ATXN2L: variants seen among roughly 807,000 people sequenced by gnomAD.
ATXN2L encodes ataxin-2-like protein.
ATXN2L carries 24 observed loss-of-function variants against 120.7 expected under a neutral mutation model. That is an observed-to-expected ratio of 0.20 (90% CI 0.14 to 0.28). The LOEUF (loss-of-function observed/expected upper bound fraction) is 0.28, where lower values mean the gene tolerates loss of function less well. ATXN2L is among the 10% of genes least tolerant of loss of function. ATXN2L has a pLI of 1.00. For synonymous variants in ATXN2L, 653 were observed against 568.1 expected, an observed-to-expected ratio of 1.15 and a Z score of -2.13; for missense variants, 1,312 against 1,432.3, an observed-to-expected ratio of 0.92 and a Z score of 1.36.
chr16:28,832,812 C>T lies in ATXN2L; in HGVS notation c.1589-5C>T, dbSNP rs774636898. On this transcript the variant is annotated splice_polypyrimidine_tract_variant and splice_region_variant and intron_variant, in intron 12 of 21. Transcript: ENST00000336783. ...ATTTTCTTCTTTTTGACTGTTTTCT[C>T]ATAGTCCCTGGTCTTCAGAATGAAC... The T allele has an allele frequency of 5.0e-5, 81 of 1,613,808 alleles. No individual in the cohort carries two copies. Among genetic ancestry groups the T allele is most frequent in the Non-Finnish European group, 2.0e-5 (24 of 1,179,868 alleles).
In ATXN2L at chr16:28,823,499, G is replaced by A; in HGVS notation, c.240G>A (p.Gln80=). The stretch of plus-strand genomic sequence containing the variant: ...GAGCCGAAGGCATCTTGGCGCCGCA[G>A]CCGCCGCCGCCGCAGCAACACCAGG... ...RRGAEGILAP[Q]PPPPQQHQER... The change falls in exon 1 of 22, where the codon CAG becomes CAA. Residue 80 remains glutamine (Q), a synonymous_variant. Coordinates refer to ENST00000336783, the MANE Select transcript of ATXN2L (RefSeq NM_007245.4). The A allele has an allele frequency of 7.3e-7, 1 of 1,362,300 alleles. No homozygotes were observed. The highest frequency in any genetic ancestry group is 1.7e-5 in the South Asian group (1 of 58,118). 84.4% of individuals were successfully genotyped at this position (1,362,300 alleles called of 1,614,324 possible). A position where few individuals can be genotyped will look rare whatever the true frequency, so the allele number is the denominator to read the frequency against.
At chr16:28,827,636 C>T (rs1302659495) in intron 6 of ATXN2L, among the ~76,000 whole-genome samples, 1 of 152,142 alleles carries the variant, frequency 6.6e-6, no homozygotes, top group Non-Finnish European at 1.5e-5. Context: ...ACTTGGGAGG[C>T]CAAGGCAGGA....
chr16:28,825,588 T>G (rs746099180), intron 2 of ATXN2L, 36 bp from the exon 3 acceptor site: 1 of 1,602,694 alleles, frequency 6.2e-7, no homozygotes, highest in African/African-American at 1.3e-5. Flanking sequence ...GTTGACTGAT[T>G]ACTCCTTTAA....
chr16:28,824,524 G>C, intron 1 of ATXN2L: 2 of 1,288,032 alleles, frequency 1.6e-6, no homozygotes, highest in Non-Finnish European at 2.0e-6. Flanking sequence ...GTTACCTGGC[G>C]ATTGGTGATC....
chr16:28,832,605 C>T lies in ATXN2L; in HGVS notation c.1588+38C>T. ...TTTTTTCTGCTGAGGATTAATGCTCCTTTGTCTGGGGGAGAGTATTTCAGT... is the reference window on the plus strand; with the variant it reads ...TTTTTTCTGCTGAGGATTAATGCTCTTTTGTCTGGGGGAGAGTATTTCAGT... On this transcript the variant is annotated intron_variant, in intron 12 of 21. Transcript: ENST00000336783. The T allele has an allele frequency of 1.9e-6, 3 of 1,595,034 alleles. No homozygotes were observed. The South Asian group carries it at 3.3e-5, about 18-fold the overall frequency.
rs1009586614 is a variant in ATXN2L, at chr16:28,826,445, G to A, written c.616+55G>A. ...GCTCTGTGTGCATAGAGGACAGAGG[G>A]TAGTTTGTGTGCAGGTGGAACATGG... On this transcript the variant is annotated intron_variant, in intron 5 of 21. Transcript: ENST00000336783. The A allele has an allele frequency of 9.6e-6, 15 of 1,564,804 alleles. No homozygotes were observed. In the East Asian group the frequency reaches 1.4e-4, roughly 14 times the overall value.
intron 7 of ATXN2L, 41 bp downstream of exon 7, chr16:28,829,533 T>C (rs372038270): frequency 2.1e-5 from 29 of 1,403,924 alleles, no homozygotes; most frequent in Middle Eastern, 1.8e-4. Context: ...GTTGGTGATA[T>C]GGGGTCACTA....
chr16:28,830,820 G>A, intron 9 of ATXN2L, 30 bp downstream of exon 9: 1 of 1,568,140 alleles, frequency 6.4e-7, no homozygotes, highest in South Asian at 1.2e-5. Flanking sequence ...TGAGGAAGAG[G>A]GCAGGGAAGG....
At chr16:28,834,799 T>G (rs1596571194) in intron 18 of ATXN2L, 106 bp downstream of exon 18, 1 of 1,358,846 alleles carries the variant, frequency 7.4e-7, no homozygotes, top group Non-Finnish European at 9.9e-7. Context: ...GTGTTGTAGG[T>G]GGGATCGGCC....
At chr16:28,823,640 G>A (rs1004326428) in intron 1 of ATXN2L, 82 bp downstream of exon 1, 7 of 1,214,330 alleles carry the variant, frequency 5.8e-6, no homozygotes, top group African/African-American at 3.2e-5. Flanking sequence ...ACCCCGACCC[G>A]GCACCGTCAG....
At position 28,835,847 on chromosome 16, in the gene ATXN2L, C is replaced by T. The variant is rs1302871753; in HGVS notation, c.2896-86C>T. On this transcript the variant is annotated intron_variant, in intron 21 of 21. Transcript: ENST00000336783. ...CCCATTGCCAAGTCCCTGGTGCCAC[C>T]CTTGCCATAGTGCTCCCTAACTCTG... is the stretch of plus-strand genomic sequence containing the variant. 5.0e-6 allele frequency: 8 copies of T among 1,590,116 alleles called. No homozygotes were observed. In the East Asian group the frequency reaches 1.8e-4, roughly 36 times the overall value.
At chr16:28,830,580 G>A (rs1461520670) in intron 8 of ATXN2L, 35 bp from the exon 9 acceptor site, 12 of 1,521,584 alleles carry the variant, frequency 7.9e-6, no homozygotes, top group Non-Finnish European at 1.1e-5. Flanking sequence ...CGTGGGTTTT[G>A]TGGCTACCTG....
rs1194072963 is a variant in ATXN2L, at chr16:28,829,442, G to A, written c.783G>A (p.Glu261=). The A allele has an allele frequency of 6.2e-7, 1 of 1,613,372 alleles. No homozygotes were observed. Among genetic ancestry groups the A allele is most frequent in the Admixed American group, 1.7e-5 (1 of 59,992 alleles). ...WDPNEMFKFN[E]ENYGVKTTYD... ...CCAATGAAATGTTCAAGTTCAATGA[G>A]GAGAACTACGGTGTGAAGACTACCT... is the stretch of plus-strand genomic sequence containing the variant. Residue 261 remains glutamate, a synonymous_variant, in exon 7 of 22, where the codon GAG becomes GAA. Coordinates refer to ENST00000336783, the MANE Select transcript of ATXN2L (RefSeq NM_007245.4).
chr16:28,833,323 G>A lies in ATXN2L; in HGVS notation c.1924G>A (p.Gly642Arg). ...CAGCCCCCCGGTGGGCCTCATCAAGGGAGAAGACAAAGATGAGGGCCCTGT... is the reference window on the plus strand; with the variant it reads ...CAGCCCCCCGGTGGGCCTCATCAAGAGAGAAGACAAAGATGAGGGCCCTGT... ...TGSPPVGLIK[G>R]EDKDEGPVAE... The change falls in exon 14 of 22, where the codon GGA (glycine) becomes AGA (arginine). Residue 642 changes from glycine to arginine, a missense_variant. Physicochemically the swap from Gly to Arg is moderately radical, Grantham distance 125 (BLOSUM62 -2). Coordinates refer to ENST00000336783, the MANE Select transcript of ATXN2L (RefSeq NM_007245.4). 1 of 1,613,756 alleles carries A rather than the reference G, an allele frequency of 6.2e-7. No individual in the cohort carries two copies. The highest frequency in any genetic ancestry group is 8.5e-7 in the Non-Finnish European group (1 of 1,179,724).
intron 15 of ATXN2L, 83 bp downstream of exon 15, chr16:28,833,591 C>T (rs1479123029): frequency 1.4e-6 from 2 of 1,389,294 alleles, no homozygotes; most frequent in Admixed American, 3.4e-5. Flanking sequence ...GGGAGGAACA[C>T]TTCACTTCCA....
At chr16:28,829,140 C>T (rs7198269) in intron 6 of ATXN2L, among the ~76,000 whole-genome samples, 135 of 152,238 alleles carry the variant, frequency 8.9e-4, no homozygotes, top group African/African-American at 3.1e-3. Flanking sequence ...GTAGCTAGGA[C>T]CCCAGGCATG....
intron 8 of ATXN2L, 131 bp downstream of exon 8, chr16:28,830,189 G>A: frequency 1.2e-6 from 1 of 855,198 alleles, no homozygotes; most frequent in Non-Finnish European, 1.7e-6. Flanking sequence ...TTAGGAGGTT[G>A]AGGTAAAGCG....
rs199772949 is a variant in ATXN2L at position 28,832,339 on chromosome 16, G to C, written c.1456G>C (p.Asp486His). 1.9e-6 allele frequency: 3 copies of C among 1,614,192 alleles called. No homozygotes were observed. The highest frequency in any genetic ancestry group is 2.5e-6 in the Non-Finnish European group (3 of 1,180,056). ...CATCCCTGTGACCTCATCAGTCTCA[G>C]ATCCTGGAGTGGGCTCCATTTCTCC... ...ASIPVTSSVS[D>H]PGVGSISPAS... Residue 486 changes from aspartate to histidine, a missense_variant, in exon 11 of 22, where the codon GAT becomes CAT. Physicochemically the swap from Asp to His is moderately conservative, Grantham distance 81 (BLOSUM62 -1). Transcript: ENST00000336783.
intron 11 of ATXN2L, 21 bp from the exon 12 acceptor site, chr16:28,832,475 C>T (rs750528743): frequency 1.2e-6 from 2 of 1,613,348 alleles, no homozygotes; most frequent in South Asian, 2.2e-5. Context: ...GACCTTTAGG[C>T]ATTTCTCTTT....
Sources: allele counts gnomAD v4.1 joint callset (sites outside exome capture counted in the v4.1 genomes callset), GRCh38; gene constraint gnomAD v4.1.1; transcripts MANE v1.5; gene names NCBI Gene and HGNC (gene_info 2026-07-23, HGNC 2026-07-21).